Variants in PDE11A observed in about 807,000 individuals in gnomAD.
PDE11A encodes dual 3',5'-cyclic-AMP and -GMP phosphodiesterase 11A.
Under a neutral mutation model 100.5 loss-of-function variants are expected in PDE11A, and 100 were observed. The ratio of observed to expected loss-of-function variants is 1.00; its 90% CI spans 0.85 to 1.18. PDE11A has a LOEUF of 1.18. Among genes scored for constraint, PDE11A ranks in the 50% most tolerant of loss-of-function variants. The pLI, the probability that PDE11A is intolerant of heterozygous loss-of-function variation, is 0.00. For synonymous variants in PDE11A, 381 were observed against 420.8 expected (o/e 0.91, Z 1.16); for missense variants, 1,141 against 1,152.6 (o/e 0.99, Z 0.15).
At chr2:177,972,369 C>A (rs2085782801) in intron 2 of PDE11A, among the ~76,000 whole-genome samples, 1 of 152,142 alleles carries the variant, frequency 6.6e-6, no homozygotes, top group Non-Finnish European at 1.5e-5. Context: ...TCAAAATACA[C>A]CCTGGGATTT....
intron 4 of PDE11A, among the ~76,000 whole-genome samples, chr2:177,878,659 G>C (rs76345668): frequency 0.023 from 3,468 of 152,138 alleles, 110 homozygotes; most frequent in African/African-American, 0.08. Context: ...GCAAATTAAG[G>C]CTTAGGGGGT....
chr2:177,785,644 G>A (rs879128138), intron 9 of PDE11A, among the ~76,000 whole-genome samples: 1 of 115,476 alleles, frequency 8.7e-6, no homozygotes, highest in Non-Finnish European at 1.9e-5. Context: ...AAAGAAAGGG[G>A]TGACAGACGG....
intron 9 of PDE11A, among the ~76,000 whole-genome samples, chr2:177,798,372 T>C (rs967847580): frequency 6.6e-6 from 1 of 152,236 alleles, no homozygotes; most frequent in African/African-American, 2.4e-5. Context: ...CTACAGCTTA[T>C]GAAATTTACA....
chr2:177,987,178 G>A (rs960958376), intron 2 of PDE11A, among the ~76,000 whole-genome samples: 5 of 151,792 alleles, frequency 3.3e-5, no homozygotes, highest in Non-Finnish European at 7.4e-5. Context: ...GCTGCTTTAC[G>A]AGGGCAGCTT....
intron 19 of PDE11A, among the ~76,000 whole-genome samples, chr2:177,636,644 C>T (rs1236365973): frequency 1.3e-5 from 2 of 152,148 alleles, no homozygotes; most frequent in Non-Finnish European, 2.9e-5. Flanking sequence ...CGTGGTCATT[C>T]ACTTGGTAAG....
chr2:177,749,532 T>C (rs1289336570), intron 10 of PDE11A, among the ~76,000 whole-genome samples: 1 of 152,154 alleles, frequency 6.6e-6, no homozygotes, highest in Non-Finnish European at 1.5e-5. Flanking sequence ...ATTGTGAGAT[T>C]AAGAAGCTAG....
intron 18 of PDE11A, among the ~76,000 whole-genome samples, chr2:177,667,006 C>T (rs952996708): frequency 4.0e-5 from 6 of 151,694 alleles, no homozygotes; most frequent in Admixed American, 1.3e-4. Context: ...CAACCTCTGC[C>T]TCCTGGGTTC....
intron 1 of PDE11A, among the ~76,000 whole-genome samples, chr2:178,065,606 A>G (rs1157381158): frequency 1.3e-5 from 2 of 152,090 alleles, no homozygotes; most frequent in Non-Finnish European, 2.9e-5. Flanking sequence ...CACAAAATCA[A>G]CTCTGGTTCT....
At chr2:177,713,104 G>A (rs1237369323) in intron 12 of PDE11A, among the ~76,000 whole-genome samples, 6 of 152,198 alleles carry the variant, frequency 3.9e-5, no homozygotes. Flanking sequence ...TGCCTCCTGG[G>A]TTCAAGTGAT....
chr2:177,853,714 T>TGTGTGTGTGTTTGTG (rs1558974124), intron 5 of PDE11A, among the ~76,000 whole-genome samples: 15 of 16,302 alleles, frequency 9.2e-4, no homozygotes, highest in African/African-American at 2.5e-3. Context: ...GTGTGTGTGT[T>TGTGTGTGTGTTTGTG]TGTGTGTGTG....
Position 177,729,899 on chromosome 2 carries a change from T to C in PDE11A, c.1789-1727A>G, listed in dbSNP as rs575880111. ...TCTATTACAGGTTTTTGCTTTGTAG[T>C]TACCATGAGGCTTAGCTTTAGCTGT... On this transcript the variant is annotated intron_variant, in intron 10 of 19. Coordinates refer to ENST00000286063, the MANE Select transcript of PDE11A (RefSeq NM_016953.4). Among the ~76,000 whole-genome samples the C allele has an allele frequency of 9.9e-5, 15 of 152,152 alleles. No homozygotes were observed. In the South Asian group the frequency reaches 2.9e-3, roughly 29 times the overall value.
At chr2:178,027,462 T>A (rs2086491646) in intron 1 of PDE11A, among the ~76,000 whole-genome samples, 1 of 152,188 alleles carries the variant, frequency 6.6e-6, no homozygotes, top group African/African-American at 2.4e-5. Context: ...ATTATGCTAC[T>A]GAATTGTCAG....
chr2:178,001,081 A>C (rs576816540), intron 2 of PDE11A, among the ~76,000 whole-genome samples: 2 of 152,204 alleles, frequency 1.3e-5, no homozygotes, highest in Non-Finnish European at 2.9e-5. Context: ...CCATAAGGTG[A>C]GAATTATAAT....
chr2:178,050,136 C>A (rs950761602), intron 1 of PDE11A, among the ~76,000 whole-genome samples: 3 of 152,058 alleles, frequency 2.0e-5, no homozygotes, highest in Non-Finnish European at 4.4e-5. Context: ...GGCCAGGTGC[C>A]CCTCTGAGAT....
intron 2 of PDE11A, among the ~76,000 whole-genome samples, chr2:177,936,670 CAGCACTTTG>C (rs555135803): frequency 6.6e-6 from 1 of 152,288 alleles, no homozygotes; most frequent in Admixed American, 6.5e-5. Context: ...CCTGTAATCC[CAGCACTTTG>C]GTAGGCCGAA....
intron 19 of PDE11A, among the ~76,000 whole-genome samples, chr2:177,645,035 A>G (rs1349449536): frequency 2.0e-5 from 3 of 152,184 alleles, no homozygotes; most frequent in Admixed American, 6.5e-5. Flanking sequence ...AGTCTTGGGT[A>G]TGTCTTTATT....
At chr2:177,840,611 A>G (rs2083476413) in intron 5 of PDE11A, among the ~76,000 whole-genome samples, 2 of 152,198 alleles carry the variant, frequency 1.3e-5, no homozygotes, top group Admixed American at 6.5e-5. Flanking sequence ...TAGATTCCCT[A>G]TGATTCAGAG....
Position 178,061,626 on chromosome 2 carries a change from C to T in PDE11A, c.912+9900G>A, listed in dbSNP as rs554506420. Among the ~76,000 whole-genome samples the T allele has an allele frequency of 3.9e-5, 6 of 152,248 alleles. No individual in the cohort carries two copies. The South Asian group carries it at 8.3e-4, about 21-fold the overall frequency. On this transcript the variant is annotated intron_variant, in intron 1 of 19. Coordinates refer to ENST00000286063, the MANE Select transcript of PDE11A (RefSeq NM_016953.4). ...GGAAGAGTAAAGAGAGGAGGTGGCT[C>T]GGAAGCAAAGTTTGACTTCACTTGG...
chr2:177,936,510 T>C (rs371841049), intron 2 of PDE11A, among the ~76,000 whole-genome samples: 8 of 152,180 alleles, frequency 5.3e-5, no homozygotes, highest in African/African-American at 1.7e-4. Flanking sequence ...ATTGAAAAAA[T>C]GCTGAGAAGA....
Sources: allele counts gnomAD v4.1 joint callset (sites outside exome capture counted in the v4.1 genomes callset), GRCh38; gene constraint gnomAD v4.1.1; transcripts MANE v1.5; gene names NCBI Gene and HGNC (gene_info 2026-07-23, HGNC 2026-07-21).